DPH6: variants seen among roughly 807,000 people sequenced by gnomAD.
DPH6 encodes the protein diphthamine biosynthesis 6, also known as diphthine--ammonia ligase.
A neutral mutation model predicts 38.2 loss-of-function variants in DPH6; 33 were observed. The observed-to-expected ratio is 0.86, with a 90% confidence interval of 0.65 to 1.15. The LOEUF is 1.15. Among genes scored for constraint, DPH6 ranks in the 50% most tolerant of loss-of-function variants. The probability of loss-of-function intolerance (pLI) is 0.00; values close to 1 mark genes in which losing one functional copy is unlikely to be tolerated. For synonymous variants in DPH6, 108 were observed against 103.0 expected (o/e 1.05, Z -0.30); for missense variants, 325 against 320.0 (o/e 1.02, Z -0.12).
rs1310748771 is a variant in DPH6 at position 35,441,074 on chromosome 15, GGTCA to G, written c.505+9607_505+9610del. Among the ~76,000 whole-genome samples the G allele has an allele frequency of 1.2e-4, 18 of 152,142 alleles. 1 individual carries two copies. The highest frequency in any genetic ancestry group is 1.2e-3 in the Admixed American group (18 of 15,278). The stretch of plus-strand genomic sequence containing the variant: ...ATATGAAAAAAAGCTCATCATCACT[GGTCA>G]TTAGAGAAATGCAAATCAAAACCAC... On this transcript the variant is annotated intron_variant, in intron 5 of 8. Transcript: ENST00000256538.
At chr15:35,413,799 T>C (rs1016410457) in intron 5 of DPH6, among the ~76,000 whole-genome samples, 6 of 151,632 alleles carry the variant, frequency 4.0e-5, no homozygotes, top group African/African-American at 1.4e-4. Flanking sequence ...GAGTATAAAT[T>C]TTCTGTACAT....
intron 5 of DPH6, among the ~76,000 whole-genome samples, chr15:35,423,528 A>C (rs939190311): frequency 6.6e-6 from 1 of 151,602 alleles, no homozygotes; most frequent in Non-Finnish European, 1.5e-5. Context: ...TTTGCTGTGC[A>C]GAAGCTTTTT....
intron 3 of DPH6, among the ~76,000 whole-genome samples, chr15:35,353,016 T>A (rs1201899336): frequency 6.6e-6 from 1 of 152,238 alleles, no homozygotes; most frequent in African/African-American, 2.4e-5. Context: ...TTGATTTGCA[T>A]TTCTCTGATG....
At chr15:35,344,838 T>G (rs1595490787) in intron 3 of DPH6, among the ~76,000 whole-genome samples, 2 of 151,878 alleles carry the variant, frequency 1.3e-5, no homozygotes, top group African/African-American at 4.8e-5. Flanking sequence ...TTAAACTGAA[T>G]TTGAACTACC....
intron 3 of DPH6, among the ~76,000 whole-genome samples, chr15:35,354,177 T>G (rs1314988955): frequency 6.6e-6 from 1 of 152,242 alleles, no homozygotes; most frequent in Non-Finnish European, 1.5e-5. Flanking sequence ...AAGGAGATTT[T>G]GGGCTGACAC....
chr15:35,364,905 T>C (rs1410373695), intron 3 of DPH6, among the ~76,000 whole-genome samples: 1 of 152,068 alleles, frequency 6.6e-6, no homozygotes. Context: ...ATTACATGTA[T>C]TTTTGAGCTT....
chr15:35,401,632 T>C (rs1268513088), intron 6 of DPH6: 5 of 756,196 alleles, frequency 6.6e-6, no homozygotes, highest in South Asian at 1.3e-5. Context: ...TTTGGAACCA[T>C]GAAGGTAGGA....
chr15:35,410,635 T>A (rs1046275661), intron 6 of DPH6, among the ~76,000 whole-genome samples, 200 bp downstream of exon 6: 4 of 151,764 alleles, frequency 2.6e-5, no homozygotes, highest in Non-Finnish European at 5.9e-5. Flanking sequence ...CTGTGTCATA[T>A]CTGGGTTAAC....
chr15:35,543,002 C>T (rs1484194863), intron 1 of DPH6, among the ~76,000 whole-genome samples: 1 of 82,226 alleles, frequency 1.2e-5, no homozygotes. Flanking sequence ...AAAAAAAAAA[C>T]TATTCTCTAT....
chr15:35,470,663 G>T (rs1281772154), intron 3 of DPH6, among the ~76,000 whole-genome samples: 1 of 152,114 alleles, frequency 6.6e-6, no homozygotes, highest in Non-Finnish European at 1.5e-5. Context: ...GAATTTGATA[G>T]GCCATTTCCC....
chr15:35,158,102 T>C, the DPH6 span, among the ~76,000 whole-genome samples: 1 of 152,118 alleles, frequency 6.6e-6, no homozygotes, highest in African/African-American at 2.4e-5. Flanking sequence ...TGCCATTGCC[T>C]AGGCTCCAGT....
chr15:35,438,771 TGAC>T (rs1335799922), intron 5 of DPH6, among the ~76,000 whole-genome samples: 9 of 152,260 alleles, frequency 5.9e-5, no homozygotes, highest in African/African-American at 2.2e-4. Flanking sequence ...TTAGTTCATG[TGAC>T]TTTAGTCTTT....
At chr15:35,301,441 T>A (rs2052054030) in intron 3 of DPH6, among the ~76,000 whole-genome samples, 1 of 152,210 alleles carries the variant, frequency 6.6e-6, no homozygotes, top group Non-Finnish European at 1.5e-5. Flanking sequence ...GAATTCTGCA[T>A]CTTGCTCAGT....
chr15:35,322,755 A>G (rs1395054570), intron 3 of DPH6, among the ~76,000 whole-genome samples: 2 of 152,094 alleles, frequency 1.3e-5, no homozygotes, highest in African/African-American at 4.8e-5. Context: ...TTTATTTGAA[A>G]GTGTGACCTC....
intron 8 of DPH6, among the ~76,000 whole-genome samples, chr15:35,372,568 G>A (rs1277611757): frequency 2.6e-5 from 4 of 151,844 alleles, no homozygotes; most frequent in Non-Finnish European, 4.4e-5. Flanking sequence ...TCTTGTGGGG[G>A]TTACCAGCTT....
At chr15:35,520,233 A>AC (rs2054904106) in intron 3 of DPH6, 39 of 799,610 alleles carry the variant, frequency 4.9e-5, no homozygotes, top group African/African-American at 1.2e-4. Flanking sequence ...AAAAAAACAA[A>AC]AAAAAAACAA....
rs553403374 is a variant in DPH6 at position 35,365,302 on chromosome 15, T to C, written n.207+8219A>G. Reference sequence around the variant, plus strand: ...TTACTTTTCTATCTGTCTCACTCCATAGAATACAAGCTCCATGAAAGCAAT... The same window carrying C: ...TTACTTTTCTATCTGTCTCACTCCACAGAATACAAGCTCCATGAAAGCAAT... On this transcript the variant is annotated intron_variant and non_coding_transcript_variant, in intron 3 of 3. Transcript: ENST00000558973. Among the ~76,000 whole-genome samples the C allele has an allele frequency of 3.5e-4, 53 of 152,210 alleles. 1 individual carries two copies. The highest frequency in any genetic ancestry group is 1.3e-3 in the African/African-American group (52 of 41,558).
intron 3 of DPH6, among the ~76,000 whole-genome samples, chr15:35,243,196 A>G (rs2051612138): frequency 7.1e-6 from 1 of 141,486 alleles, no homozygotes; most frequent in African/African-American, 2.6e-5. Flanking sequence ...TTCTTCTAAC[A>G]TCCCCACAAT....
chr15:35,316,384 A>T (rs553890780), intron 3 of DPH6, among the ~76,000 whole-genome samples: 2 of 152,330 alleles, frequency 1.3e-5, no homozygotes. Context: ...AGATGATAGG[A>T]TGAATAATTT....
Sources: allele counts gnomAD v4.1 joint callset (sites outside exome capture counted in the v4.1 genomes callset), GRCh38; gene constraint gnomAD v4.1.1; transcripts MANE v1.5; gene names NCBI Gene and HGNC (gene_info 2026-07-23, HGNC 2026-07-21).